CEACAM18: variants seen among roughly 807,000 people sequenced by gnomAD.
The protein encoded by CEACAM18 is cell adhesion molecule CEACAM18.
In CEACAM18, 33 loss-of-function variants were observed where a neutral mutation model predicts 34.3. The ratio of observed to expected loss-of-function variants is 0.96; its 90% CI spans 0.73 to 1.29. The LOEUF is 1.29. Among genes scored for constraint, CEACAM18 ranks in the 50% most tolerant of loss-of-function variants. The pLI is 0.00. For synonymous variants in CEACAM18, 169 were observed against 180.9 expected (o/e 0.93, Z 0.53); for missense variants, 474 against 485.0 (o/e 0.98, Z 0.21).
chr19:51,488,020 G>A (rs1339865780), intron 5 of CEACAM18, among the ~76,000 whole-genome samples: 1 of 152,184 alleles, frequency 6.6e-6, no homozygotes, highest in East Asian at 1.9e-4. Flanking sequence ...TATGTAGAAT[G>A]TTCTTAAAGA....
intron 1 of CEACAM18, 148 bp from the exon 2 acceptor site, chr19:51,480,185 G>A (rs1195580058): frequency 3.0e-6 from 2 of 659,950 alleles, no homozygotes; most frequent in Non-Finnish European, 5.1e-6. Flanking sequence ...GGGACAAGCT[G>A]GGGACTCTAC....
intron 5 of CEACAM18, among the ~76,000 whole-genome samples, chr19:51,487,674 G>A (rs1243670327): frequency 6.6e-6 from 1 of 151,986 alleles, no homozygotes; most frequent in African/African-American, 2.4e-5. Flanking sequence ...GCTGAGGCAG[G>A]AGAATCACTT....
chr19:51,483,922 A>T (rs1429630081), intron 4 of CEACAM18, among the ~76,000 whole-genome samples: 47 of 152,282 alleles, frequency 3.1e-4, no homozygotes, highest in Non-Finnish European at 1.0e-4. Context: ...TCAAGGAGAG[A>T]GACTGATGTG....
chr19:51,483,118 T>C lies in CEACAM18; in HGVS notation c.775T>C (p.Ser259Pro), dbSNP rs750742263. 4 of 1,614,034 alleles carry C rather than the reference T, an allele frequency of 2.5e-6. No homozygotes were observed. The Admixed American group carries it at 6.7e-5, about 27-fold the overall frequency. Residue 259 changes from serine to proline, a missense_variant, in exon 4 of 6, where the codon TCC becomes CCC. Coordinates refer to ENST00000396477, the Ensembl canonical transcript of CEACAM18. The stretch of plus-strand genomic sequence containing the variant: ...AGTGGAAATGGAGTGTATCTGCTAT[T>C]CCTTCCTGGATCTCAAGTACCACTG...
chr19:51,480,290 T>G (rs1027675626), intron 1 of CEACAM18, 43 bp from the exon 2 acceptor site: 1 of 1,456,224 alleles, frequency 6.9e-7, no homozygotes, highest in African/African-American at 1.4e-5. Flanking sequence ...AGTCTGAATC[T>G]CTTTGTGAAT....
At chr19:51,478,815 G>A (rs1427589156) in intron 1 of CEACAM18, 121 bp downstream of exon 1, 3 of 666,214 alleles carry the variant, frequency 4.5e-6, no homozygotes, top group Non-Finnish European at 6.7e-6. Context: ...AACTCCCAGA[G>A]CAGGGGTCGG....
chr19:51,480,489 G>A (rs753992406), exon 2 of CEACAM18: 20 of 1,613,902 alleles, frequency 1.2e-5, no homozygotes, highest in Non-Finnish European at 1.6e-5. Flanking sequence ...GACAGCGCAG[G>A]AAACATGATT....
Position 51,485,068 on chromosome 19 carries a change from G to T in CEACAM18, c.1035G>T (p.Trp345Cys), listed in dbSNP as rs1286911058. 8 of 1,535,692 alleles carry T rather than the reference G, an allele frequency of 5.2e-6. No individual in the cohort carries two copies. In the East Asian group the frequency reaches 2.0e-4, roughly 38 times the overall value. ...CTCATCATGCTGACAGTGCTGGGTG[G>T]CGTTTACATCTGTGGAGTCCTGATC... Residue 345 changes from tryptophan to cysteine, a missense_variant, in exon 5 of 6, where the codon TGG (tryptophan) becomes TGT (cysteine). Transcript: ENST00000396477.
In CEACAM18 at chr19:51,479,922, G is replaced by A. The variant is rs139012512; in HGVS notation, c.53-411G>A. Reference sequence around the variant, plus strand: ...GTAGGTGTGCACCACAAGGAGGCTCGATGAGTCACAAACACCAGCTCTGGC... The same window carrying A: ...GTAGGTGTGCACCACAAGGAGGCTCAATGAGTCACAAACACCAGCTCTGGC... On this transcript the variant is annotated intron_variant, in intron 1 of 5. Coordinates refer to ENST00000396477, the Ensembl canonical transcript of CEACAM18. Among the ~76,000 whole-genome samples, 337 of 152,296 alleles carry A rather than the reference G, an allele frequency of 2.2e-3. 1 individual carries two copies. Among genetic ancestry groups the A allele is most frequent in the African/African-American group, 7.6e-3 (316 of 41,550 alleles).
At chr19:51,478,962 A>ACG (rs1989861104) in intron 1 of CEACAM18, among the ~76,000 whole-genome samples, 1 of 151,608 alleles carries the variant, frequency 6.6e-6, no homozygotes, top group Non-Finnish European at 1.5e-5. Context: ...ATGCACACAC[A>ACG]CACACGCGCG....
Position 51,478,637 on chromosome 19 carries a change from C to A in CEACAM18, c.-6C>A, listed in dbSNP as rs1399189765. The A allele has an allele frequency of 1.9e-6, 3 of 1,567,728 alleles. No individual in the cohort carries two copies. The East Asian group carries it at 7.4e-5, about 39-fold the overall frequency. On this transcript the variant is annotated 5_prime_UTR_variant, in exon 1 of 6. Transcript: ENST00000396477. ...ACCCCTCCTCCTGGAGGACCCCAGGCAGCTCATGGACCTTTCCAGACCCAG... is the reference window on the plus strand; with the variant it reads ...ACCCCTCCTCCTGGAGGACCCCAGGAAGCTCATGGACCTTTCCAGACCCAG...
At chr19:51,484,995 C>T (rs1469465468) in exon 5 of CEACAM18, 1 of 1,536,104 alleles carries the variant, frequency 6.5e-7, no homozygotes. Flanking sequence ...AGGGATCTTA[C>T]CTGTTGTCCA....
At chr19:51,484,862 A>T in intron 4 of CEACAM18, 125 bp from the exon 5 acceptor site, 1 of 1,194,440 alleles carries the variant, frequency 8.4e-7, no homozygotes, top group Non-Finnish European at 1.2e-6. Context: ...TACCTGGAAC[A>T]GTGCTTTGCT....
intron 1 of CEACAM18, among the ~76,000 whole-genome samples, chr19:51,478,931 T>TACAC (rs150760635): frequency 2.0e-4 from 29 of 147,936 alleles, no homozygotes; most frequent in African/African-American, 2.5e-4. Flanking sequence ...CATGTGGTGT[T>TACAC]ACACACACAC....
chr19:51,488,164 C>T (rs1201858370), intron 5 of CEACAM18, among the ~76,000 whole-genome samples: 2 of 152,162 alleles, frequency 1.3e-5, no homozygotes, highest in East Asian at 1.9e-4. Context: ...ACAGAATTCT[C>T]ATATTCAGGG....
At chr19:51,489,666 G>T (rs1332553565) in intron 5 of CEACAM18, among the ~76,000 whole-genome samples, 1 of 152,104 alleles carries the variant, frequency 6.6e-6, no homozygotes, top group Non-Finnish European at 1.5e-5. Flanking sequence ...GAGATAGCAG[G>T]CAATCGGCCT....
chr19:51,480,778 A>G, intron 2 of CEACAM18, 98 bp downstream of exon 2: 1 of 1,143,368 alleles, frequency 8.7e-7, no homozygotes, highest in Non-Finnish European at 1.2e-6. Flanking sequence ...CCGGGAGTGG[A>G]AATCACGGAG....
intron 5 of CEACAM18, among the ~76,000 whole-genome samples, chr19:51,487,578 A>G (rs748449685): frequency 1.1e-4 from 17 of 152,334 alleles, no homozygotes; most frequent in Middle Eastern, 6.8e-3. Context: ...CAGCCTGGCC[A>G]ACATAGTGAA....
intron 1 of CEACAM18, among the ~76,000 whole-genome samples, chr19:51,479,176 G>A (rs1989864731): frequency 6.6e-6 from 1 of 151,494 alleles, no homozygotes; most frequent in African/African-American, 2.4e-5. Flanking sequence ...AAGCACAACT[G>A]TCCTGCTTTA....
Sources: gnomAD v4.1 joint callset for allele counts (sites outside exome capture counted in the v4.1 genomes callset) on GRCh38, gnomAD v4.1.1 for gene constraint, MANE v1.5 for transcripts, NCBI Gene and HGNC (gene_info 2026-07-23, HGNC 2026-07-21) for gene names.